The following PITPNC1 variants were observed in gnomAD, a reference collection of about 807,000 sequenced individuals.
The protein encoded by PITPNC1 is cytoplasmic phosphatidylinositol transfer protein 1.
A neutral mutation model predicts 44.7 loss-of-function variants in PITPNC1; 18 were observed. The observed-to-expected ratio is 0.40, with a 90% CI of 0.28 to 0.60. The LOEUF (loss-of-function observed/expected upper bound fraction) is 0.60. PITPNC1 is among the 20% of genes least tolerant of loss of function. The pLI, the probability that PITPNC1 is intolerant of heterozygous loss-of-function variation, is 0.39. For synonymous variants in PITPNC1, 141 were observed against 149.6 expected (o/e 0.94, Z 0.42); for missense variants, 290 against 418.4 (o/e 0.69, Z 2.68).
intron 1 of PITPNC1, among the ~76,000 whole-genome samples, chr17:67,471,278 A>T (rs1292924950): frequency 6.7e-6 from 1 of 149,104 alleles, no homozygotes; most frequent in Non-Finnish European, 1.5e-5. Context: ...ATATTATTGG[A>T]TGTATCAATA....
intron 2 of PITPNC1, among the ~76,000 whole-genome samples, chr17:67,545,252 C>T (rs926974270): frequency 1.1e-4 from 17 of 152,092 alleles, no homozygotes; most frequent in African/African-American, 3.9e-4. Flanking sequence ...TTCAGGGTTG[C>T]AGTGAGCTAT....
chr17:67,649,731 TAA>T (rs1207148553), intron 6 of PITPNC1, among the ~76,000 whole-genome samples: 3 of 151,994 alleles, frequency 2.0e-5, no homozygotes, highest in Non-Finnish European at 4.4e-5. Flanking sequence ...TTTTTTTTAC[TAA>T]AAAAAATTTT....
intron 1 of PITPNC1, among the ~76,000 whole-genome samples, chr17:67,490,588 C>A (rs1477426786): frequency 6.6e-6 from 1 of 152,126 alleles, no homozygotes; most frequent in African/African-American, 2.4e-5. Context: ...AGCCTCCCCG[C>A]AGGCAGGGGA....
Position 67,669,566 on chromosome 17 carries a change from G to C in PITPNC1, c.521G>C (p.Arg174Thr). Residue 174 changes from arginine (R) to threonine (T), a missense_variant, in exon 7 of 9, where the codon AGA (arginine) becomes ACA (threonine). Arg to Thr is a moderately conservative substitution (Grantham distance 71). Transcript: ENST00000581322. ...TGRGQLREGWRDSHQPIMCSY... is the reference protein window; with the variant it reads ...TGRGQLREGWTDSHQPIMCSY... ...CGGGGACAGTTGAGGGAAGGCTGGA[G>C]AGATAGTCATCAGCCTATCATGTGC... The C allele has an allele frequency of 6.2e-7, 1 of 1,609,610 alleles. No homozygotes were observed. The highest frequency in any genetic ancestry group is 8.5e-7 in the Non-Finnish European group (1 of 1,176,964).
chr17:67,443,891 T>G (rs1407362887), intron 1 of PITPNC1, among the ~76,000 whole-genome samples: 1 of 151,996 alleles, frequency 6.6e-6, no homozygotes, highest in African/African-American at 2.4e-5. Context: ...TGCCTCAGCC[T>G]CCCAAAGTGC....
intron 4 of PITPNC1, among the ~76,000 whole-genome samples, chr17:67,572,312 T>C (rs1219085273): frequency 2.0e-5 from 3 of 151,864 alleles, no homozygotes; most frequent in South Asian, 2.1e-4. Flanking sequence ...AAGTCCAGGG[T>C]TGGAAAGTGG....
chr17:67,448,147 A>G lies in PITPNC1; in HGVS notation c.48+69945A>G, dbSNP rs895935508. On this transcript the variant is annotated intron_variant, in intron 1 of 8. Transcript: ENST00000581322. ...TTTTAGTAGAGACAGGGGTTTCTCCATGCTGGTCAGGCTGGTGTCGAACTT... is the reference window on the plus strand; with the variant it reads ...TTTTAGTAGAGACAGGGGTTTCTCCGTGCTGGTCAGGCTGGTGTCGAACTT... 2.6e-5 allele frequency among the ~76,000 whole-genome samples: 4 copies of G among 152,074 alleles called. 1 individual carries two copies. The highest frequency in any genetic ancestry group is 9.7e-5 in the African/African-American group (4 of 41,402).
intron 8 of PITPNC1, among the ~76,000 whole-genome samples, chr17:67,691,219 T>C (rs946636782): frequency 6.6e-6 from 1 of 152,184 alleles, no homozygotes; most frequent in Admixed American, 6.5e-5. Context: ...ACTAAGGAAC[T>C]GTATTTTTGC....
intron 1 of PITPNC1, among the ~76,000 whole-genome samples, chr17:67,382,648 A>G (rs994517608): frequency 2.0e-5 from 3 of 151,606 alleles, no homozygotes; most frequent in Non-Finnish European, 4.4e-5. Flanking sequence ...TCTGAGCCAC[A>G]CTCTCTCGCT....
At chr17:67,459,898 A>G (rs991969840) in intron 1 of PITPNC1, 1 of 152,254 alleles carries the variant, frequency 6.6e-6, no homozygotes, top group Non-Finnish European at 1.5e-5. Flanking sequence ...AGATTTTTAC[A>G]AATGGAACCA....
At chr17:67,385,280 A>G (rs1689724990) in intron 1 of PITPNC1, among the ~76,000 whole-genome samples, 1 of 152,202 alleles carries the variant, frequency 6.6e-6, no homozygotes, top group Admixed American at 6.5e-5. Flanking sequence ...AGCGGTTTCT[A>G]AAATGCGCTA....
chr17:67,502,421 T>A (rs1304290163), intron 1 of PITPNC1, among the ~76,000 whole-genome samples: 2 of 152,126 alleles, frequency 1.3e-5, no homozygotes, highest in East Asian at 1.9e-4. Context: ...AGAGTAACAA[T>A]GCAATCTACT....
chr17:67,480,981 C>T (rs985493587), intron 1 of PITPNC1, among the ~76,000 whole-genome samples: 7 of 152,030 alleles, frequency 4.6e-5, no homozygotes, highest in African/African-American at 9.7e-5. Flanking sequence ...CTGAGGTGGG[C>T]GGAGCACCTG....
At chr17:67,663,860 T>A (rs2042383435) in intron 6 of PITPNC1, among the ~76,000 whole-genome samples, 1 of 152,202 alleles carries the variant, frequency 6.6e-6, no homozygotes, top group Non-Finnish European at 1.5e-5. Flanking sequence ...TATGGAAACC[T>A]GCTTCCGCCC....
rs1399238376 is a variant in PITPNC1, at chr17:67,532,788, ACT to A, written c.49-11_49-10del. On this transcript the variant is annotated splice_polypyrimidine_tract_variant and intron_variant, in intron 1 of 8. Transcript: ENST00000581322. ...TGTGGGGCTGACCTTTCTGTCTCTG[ACT>A]CTGTTTTGTAGTACAAAATTGGACA... 6.4e-7 allele frequency: 1 copy of A among 1,551,202 alleles called. No homozygotes were observed. The highest frequency in any genetic ancestry group is 8.7e-7 in the Non-Finnish European group (1 of 1,146,598).
chr17:67,528,491 A>G (rs771488535), intron 1 of PITPNC1, among the ~76,000 whole-genome samples: 13 of 152,246 alleles, frequency 8.5e-5, no homozygotes, highest in African/African-American at 1.7e-4. Flanking sequence ...GAATCTTTCT[A>G]TGTCTTTGGA....
At chr17:67,383,238 C>T (rs1024464248) in intron 1 of PITPNC1, among the ~76,000 whole-genome samples, 2 of 152,066 alleles carry the variant, frequency 1.3e-5, no homozygotes, top group African/African-American at 2.4e-5. Flanking sequence ...AGTTCATGCC[C>T]GGTGAGCCAT....
At chr17:67,503,318 AT>A (rs1354573235) in intron 1 of PITPNC1, among the ~76,000 whole-genome samples, 1 of 151,946 alleles carries the variant, frequency 6.6e-6, no homozygotes, top group Non-Finnish European at 1.5e-5. Context: ...TAGAAAAAAA[AT>A]GATATCACTT....
intron 1 of PITPNC1, among the ~76,000 whole-genome samples, chr17:67,396,316 C>G (rs1370290184): frequency 6.6e-6 from 1 of 152,130 alleles, no homozygotes; most frequent in Non-Finnish European, 1.5e-5. Flanking sequence ...GGAGTTGTTT[C>G]TTTTACATTT....
Sources: gnomAD v4.1 joint callset for allele counts (sites outside exome capture counted in the v4.1 genomes callset) on GRCh38, gnomAD v4.1.1 for gene constraint, MANE v1.5 for transcripts, NCBI Gene and HGNC (gene_info 2026-07-23, HGNC 2026-07-21) for gene names.